Variants in MARCHF1 observed in about 807,000 individuals in gnomAD.
MARCHF1 encodes the protein membrane associated ring-CH-type finger 1.
In MARCHF1, 40 loss-of-function variants were observed where a neutral mutation model predicts 54.2. The ratio of observed to expected loss-of-function variants is 0.74; its 90% CI spans 0.57 to 0.96. The LOEUF (loss-of-function observed/expected upper bound fraction) is 0.96. Among genes scored for constraint, MARCHF1 ranks in the 40% least tolerant of loss-of-function variants. MARCHF1 has a pLI of 0.00. For synonymous variants in MARCHF1, 236 were observed against 236.3 expected (o/e 1.00, Z 0.01); for missense variants, 586 against 656.5 (o/e 0.89, Z 1.17).
At chr4:163,644,042 C>CA (rs1377782192) in intron 5 of MARCHF1, among the ~76,000 whole-genome samples, 8 of 131,940 alleles carry the variant, frequency 6.1e-5, no homozygotes, top group South Asian at 2.4e-4. Context: ...CACGCCTCTT[C>CA]AAAATTTTTT....
chr4:163,727,883 C>T (rs866910328), intron 4 of MARCHF1, among the ~76,000 whole-genome samples: 1 of 151,858 alleles, frequency 6.6e-6, no homozygotes, highest in African/African-American at 2.4e-5. Context: ...GATAAGGTTT[C>T]ACCATGTTAT....
chr4:164,293,352 C>A (rs1320034381), intron 1 of MARCHF1, among the ~76,000 whole-genome samples: 1 of 152,194 alleles, frequency 6.6e-6, no homozygotes, highest in African/African-American at 2.4e-5. Context: ...CCGTATAAGG[C>A]AAATGCCTCA....
intron 1 of MARCHF1, among the ~76,000 whole-genome samples, chr4:164,175,501 T>C (rs550025567): frequency 1.1e-4 from 17 of 152,352 alleles, no homozygotes; most frequent in South Asian, 6.2e-4. Context: ...ATGTATCAAC[T>C]TGGCTAGGCC....
chr4:163,669,255 T>C (rs1006649358), intron 5 of MARCHF1, among the ~76,000 whole-genome samples: 4 of 152,204 alleles, frequency 2.6e-5, no homozygotes, highest in Non-Finnish European at 5.9e-5. Context: ...TTTGACCTTT[T>C]ATTAGTAAGA....
At chr4:163,996,248 T>C (rs927209336) in intron 2 of MARCHF1, among the ~76,000 whole-genome samples, 10 of 152,020 alleles carry the variant, frequency 6.6e-5, no homozygotes, top group East Asian at 1.9e-4. Flanking sequence ...ATAATTTTTA[T>C]AGTATAATTA....
intron 4 of MARCHF1, among the ~76,000 whole-genome samples, chr4:163,807,395 T>C (rs1034991216): frequency 1.2e-4 from 18 of 152,204 alleles, no homozygotes; most frequent in African/African-American, 4.1e-4. Context: ...AGCAACTTAA[T>C]ACTTTTTCCG....
At chr4:163,589,336 G>A (rs976036298) in intron 7 of MARCHF1, among the ~76,000 whole-genome samples, 2 of 151,976 alleles carry the variant, frequency 1.3e-5, no homozygotes, top group African/African-American at 4.8e-5. Flanking sequence ...ACTACCTGAA[G>A]CACCACTAAC....
intron 4 of MARCHF1, among the ~76,000 whole-genome samples, chr4:163,766,903 TA>T (rs1440631505): frequency 1.3e-5 from 2 of 152,116 alleles, no homozygotes; most frequent in Admixed American, 1.3e-4. Flanking sequence ...TACTCATATG[TA>T]AAAAATAGTT....
chr4:163,619,448 C>G (rs373246638), intron 5 of MARCHF1, among the ~76,000 whole-genome samples: 3 of 152,114 alleles, frequency 2.0e-5, no homozygotes, highest in South Asian at 2.1e-4. Context: ...GGAAAAGATT[C>G]AGGAAAATTA....
chr4:163,932,939 G>A lies in MARCHF1; in HGVS notation c.-39+55562C>T, dbSNP rs527651693. 3.2e-5 allele frequency: 21 copies of A among 661,214 alleles called. 1 individual carries two copies. The highest frequency in any genetic ancestry group is 2.7e-4 in the African/African-American group (15 of 55,326). The allele number at this position is 661,214 out of a possible 1,614,324, so 41.0% of individuals were successfully genotyped here. On this transcript the variant is annotated intron_variant, in intron 3 of 9. Coordinates refer to ENST00000514618, the MANE Select transcript of MARCHF1 (RefSeq NM_001394959.1). ...CATGTGGTAATGATCAAAAACAAATGATAGATAATTCCCAAGGAGCTTACC... is the reference window on the plus strand; with the variant it reads ...CATGTGGTAATGATCAAAAACAAATAATAGATAATTCCCAAGGAGCTTACC...
At chr4:163,601,649 C>A (rs149252437) in intron 7 of MARCHF1, among the ~76,000 whole-genome samples, 2 of 151,898 alleles carry the variant, frequency 1.3e-5, no homozygotes, top group Non-Finnish European at 2.9e-5. Flanking sequence ...CCTCATAACA[C>A]GTAAATATTG....
intron 4 of MARCHF1, among the ~76,000 whole-genome samples, chr4:163,844,173 C>T (rs1013304122): frequency 7.2e-5 from 11 of 152,118 alleles, no homozygotes; most frequent in Admixed American, 1.3e-4. Flanking sequence ...CCCCGTTATA[C>T]GTCCCTGTGT....
intron 2 of MARCHF1, among the ~76,000 whole-genome samples, chr4:164,107,612 T>G (rs2111174003): frequency 6.6e-6 from 1 of 152,114 alleles, no homozygotes; most frequent in Admixed American, 6.6e-5. Flanking sequence ...ATCCACCCAC[T>G]TCTGCCCCTC....
chr4:163,538,538 C>G (rs1738614158), intron 9 of MARCHF1, among the ~76,000 whole-genome samples: 1 of 152,090 alleles, frequency 6.6e-6, no homozygotes, highest in Admixed American at 6.5e-5. Context: ...ATAGCCAAAT[C>G]CCCAAATGAT....
chr4:163,963,014 C>G (rs1330592843), intron 3 of MARCHF1, among the ~76,000 whole-genome samples: 1 of 151,874 alleles, frequency 6.6e-6, no homozygotes, highest in African/African-American at 2.4e-5. Flanking sequence ...GAGGGCACTA[C>G]ATTTCTCTAC....
chr4:163,590,346 G>A (rs547294450), intron 7 of MARCHF1, among the ~76,000 whole-genome samples: 1 of 150,836 alleles, frequency 6.6e-6, no homozygotes, highest in African/African-American at 2.4e-5. Context: ...TTTCATTCCT[G>A]CACAGTTTCT....
Position 164,081,234 on chromosome 4 carries a change from A to AAAAAAG in MARCHF1, c.-248+30353_-248+30354insCTTTTT, listed in dbSNP as rs1560895110. Reference sequence around the variant, plus strand: ...AAAAAAAAAAAAAAAAAAAAAAAAAAAAAGAAATATTATTTGCATATTAAA... The same window carrying AAAAAAG: ...AAAAAAAAAAAAAAAAAAAAAAAAAAAAAAAGAAAGAAATATTATTTGCATATTAAA... On this transcript the variant is annotated intron_variant, in intron 2 of 9. Coordinates refer to ENST00000514618, the MANE Select transcript of MARCHF1 (RefSeq NM_001394959.1). Among the ~76,000 whole-genome samples the AAAAAAG allele has an allele frequency of 2.7e-5, 4 of 146,868 alleles. No homozygotes were observed. The East Asian group carries it at 7.8e-4, about 29-fold the overall frequency.
chr4:163,993,855 G>C (rs1393738240), intron 2 of MARCHF1, among the ~76,000 whole-genome samples: 8 of 151,968 alleles, frequency 5.3e-5, no homozygotes, highest in Admixed American at 4.6e-4. Context: ...TTAATAATTA[G>C]CTTGTGAATA....
chr4:163,600,858 G>A (rs948203277), intron 7 of MARCHF1, among the ~76,000 whole-genome samples: 2 of 152,098 alleles, frequency 1.3e-5, no homozygotes, highest in Non-Finnish European at 2.9e-5. Flanking sequence ...GTTTAATGTC[G>A]ATACTAAAAT....
Sources: gnomAD v4.1 joint callset for allele counts (sites outside exome capture counted in the v4.1 genomes callset) on GRCh38, gnomAD v4.1.1 for gene constraint, MANE v1.5 for transcripts, NCBI Gene and HGNC (gene_info 2026-07-23, HGNC 2026-07-21) for gene names.